USP16: variants seen among roughly 807,000 people sequenced by gnomAD.
USP16 encodes ubiquitin specific peptidase 16, also known as ubiquitin carboxyl-terminal hydrolase 16.
USP16 carries 77 observed loss-of-function variants against 95.9 expected under a neutral mutation model. That is an observed-to-expected ratio of 0.80 (90% confidence interval 0.67 to 0.97). The LOEUF is 0.97. Ranked by LOEUF, USP16 falls within the 50% of genes least tolerant of loss-of-function variation. The probability of loss-of-function intolerance (pLI) is 0.00; values close to 1 mark genes in which losing one functional copy is unlikely to be tolerated. For synonymous variants in USP16, 303 were observed against 318.2 expected (o/e 0.95, Z 0.51); for missense variants, 943 against 959.9 (o/e 0.98, Z 0.23).
chr21:29,037,148 A>G (rs1351425883), intron 5 of USP16, 128 bp from the exon 6 acceptor site: 4 of 525,640 alleles, frequency 7.6e-6, no homozygotes, highest in Non-Finnish European at 8.9e-6. Context: ...TTTAAAATCA[A>G]ATGGGTGGGT....
intron 16 of USP16, chr21:29,053,340 G>A (rs745413044): frequency 1.2e-4 from 19 of 155,758 alleles, no homozygotes; most frequent in Non-Finnish European, 2.6e-4. Context: ...GTGAACACTT[G>A]AGAGGTTGAA....
chr21:29,049,487 A>C (rs1376049794), intron 15 of USP16, among the ~76,000 whole-genome samples: 2 of 152,220 alleles, frequency 1.3e-5, no homozygotes, highest in East Asian at 1.9e-4. Context: ...AGTTTTAAGC[A>C]CTCAGAACCT....
At chr21:29,041,987 A>C in intron 10 of USP16, 26 bp from the exon 11 acceptor site, 1 of 1,589,910 alleles carries the variant, frequency 6.3e-7, no homozygotes, top group Non-Finnish European at 8.6e-7. Flanking sequence ...GTAATTGGTA[A>C]TTGATAGACT....
At chr21:29,025,732 T>TA in intron 1 of USP16, 1 of 984,818 alleles carries the variant, frequency 1.0e-6, no homozygotes, top group Non-Finnish European at 1.2e-6. Flanking sequence ...CATTCTTATG[T>TA]ACCTACCTTT....
At chr21:29,046,453 C>T (rs1236057825) in intron 13 of USP16, among the ~76,000 whole-genome samples, 8 of 152,068 alleles carry the variant, frequency 5.3e-5, no homozygotes, top group African/African-American at 2.4e-5. Flanking sequence ...CAGCCAATTT[C>T]GTCATAATTT....
chr21:29,029,642 G>A (rs2085049403), intron 2 of USP16, among the ~76,000 whole-genome samples: 1 of 152,080 alleles, frequency 6.6e-6, no homozygotes, highest in Non-Finnish European at 1.5e-5. Context: ...TACTTATCTT[G>A]GCCCCAACAG....
chr21:29,053,834 T>A lies in USP16; in HGVS notation c.2226T>A (p.Tyr742Ter). ...NVAEENTRVLYSLYGVVEHSG... is the reference protein window; with the variant it reads ...NVAEENTRVL Reference sequence around the variant, plus strand: ...CAGAAGAAAATACAAGGGTACTCTATTCCTTATATGGAGTTGTTGAACACA... The same window carrying A: ...CAGAAGAAAATACAAGGGTACTCTAATCCTTATATGGAGTTGTTGAACACA... Residue 742 changes from tyrosine to a stop codon, truncating the protein, a stop_gained, in exon 17 of 18, where the codon TAT (tyrosine) becomes TAA (stop). Transcript: ENST00000399976. LOFTEE classifies it high-confidence loss of function. 2 of 1,613,840 alleles carry A rather than the reference T, an allele frequency of 1.2e-6. No individual in the cohort carries two copies. The highest frequency in any genetic ancestry group is 1.7e-6 in the Non-Finnish European group (2 of 1,179,924).
intron 3 of USP16, among the ~76,000 whole-genome samples, chr21:29,031,285 A>G (rs1329727714): frequency 6.6e-6 from 1 of 152,184 alleles, no homozygotes; most frequent in South Asian, 2.1e-4. Context: ...ACATCACAGT[A>G]TCTACTCTAC....
At chr21:29,041,968 T>C in intron 10 of USP16, 45 bp from the exon 11 acceptor site, 1 of 1,501,888 alleles carries the variant, frequency 6.7e-7, no homozygotes, top group Non-Finnish European at 9.2e-7. Flanking sequence ...TTTAATTAAT[T>C]ATATAACGGT....
Position 29,037,264 on chromosome 21 carries a change from CT to C in USP16, c.449-5del, listed in dbSNP as rs1411707480. The C allele has an allele frequency of 4.0e-6, 6 of 1,487,896 alleles. No individual in the cohort carries two copies. The highest frequency in any genetic ancestry group is 5.5e-6 in the Non-Finnish European group (6 of 1,096,270). The allele number at this position is 1,487,896 out of a possible 1,614,324, so 92.2% of individuals were successfully genotyped here. A position where few individuals can be genotyped will look rare whatever the true frequency, so the allele number is the denominator to read the frequency against. ...TATTACACATTTTGCTAAATCTTTT[CT>C]TTTTTTAAAGCAGAGAAAGATAATG... On this transcript the variant is annotated splice_polypyrimidine_tract_variant and intron_variant, in intron 5 of 17. Coordinates refer to ENST00000399976, the MANE Select transcript of USP16 (RefSeq NM_006447.3).
chr21:29,043,307 GAAA>G, intron 12 of USP16, 113 bp from the exon 13 acceptor site: 1 of 711,526 alleles, frequency 1.4e-6, no homozygotes, highest in East Asian at 3.5e-5. Flanking sequence ...AAATATTGTG[GAAA>G]AAAAAAGCTA....
intron 1 of USP16, chr21:29,025,705 C>T: frequency 1.0e-6 from 1 of 982,448 alleles, no homozygotes; most frequent in Non-Finnish European, 1.2e-6. Flanking sequence ...TTCTTTTTCA[C>T]CAGAACTTGT....
At chr21:29,028,681 T>A (rs2085030593) in intron 2 of USP16, among the ~76,000 whole-genome samples, 1 of 152,150 alleles carries the variant, frequency 6.6e-6, no homozygotes, top group Non-Finnish European at 1.5e-5. Flanking sequence ...AGTGATCCGC[T>A]TCCTCAGCAT....
At chr21:29,024,937 G>A (rs532099046) in intron 1 of USP16, 160 bp downstream of exon 1, 7 of 728,540 alleles carry the variant, frequency 9.6e-6, no homozygotes, top group East Asian at 7.6e-5. Context: ...TTGGCTGCAT[G>A]TTCTGTCAGT....
chr21:29,048,610 C>T, intron 14 of USP16, 151 bp from the exon 15 acceptor site: 1 of 578,588 alleles, frequency 1.7e-6, no homozygotes, highest in African/African-American at 1.9e-5. Flanking sequence ...CCTCTTACTC[C>T]ACAAATTCTA....
intron 2 of USP16, among the ~76,000 whole-genome samples, chr21:29,028,453 T>C (rs1436392197): frequency 6.6e-6 from 1 of 150,962 alleles, no homozygotes; most frequent in African/African-American, 2.4e-5. Flanking sequence ...TTTTTTTTCC[T>C]GAGACGGAGT....
At chr21:29,029,361 C>G (rs578153582) in intron 2 of USP16, among the ~76,000 whole-genome samples, 11 of 151,970 alleles carry the variant, frequency 7.2e-5, no homozygotes, top group Non-Finnish European at 1.5e-4. Context: ...TGCAGTGAGC[C>G]GAGATTGTGC....
chr21:29,053,988 A>T (rs2085456373), intron 17 of USP16, 30 bp downstream of exon 17: 1 of 1,613,260 alleles, frequency 6.2e-7, no homozygotes. Flanking sequence ...TCAGGCACTC[A>T]GCAGATTACG....
At position 29,031,959 on chromosome 21, in the gene USP16, T is replaced by C. The variant is rs544544768; in HGVS notation, c.240+1186T>C. Among the ~76,000 whole-genome samples the C allele has an allele frequency of 9.5e-4, 144 of 152,320 alleles. 4 individuals are homozygous for C. The highest frequency in any genetic ancestry group is 3.1e-4 in the Non-Finnish European group (21 of 68,022). The stretch of plus-strand genomic sequence containing the variant: ...GATCTCCTGAGTTTGACTTCTTTTT[T>C]TGTGCATGTGTGTATGTGTACATGT... On this transcript the variant is annotated intron_variant, in intron 3 of 17. Transcript: ENST00000399976.
Sources: allele counts gnomAD v4.1 joint callset (sites outside exome capture counted in the v4.1 genomes callset), GRCh38; gene constraint gnomAD v4.1.1; transcripts MANE v1.5; gene names NCBI Gene and HGNC (gene_info 2026-07-23, HGNC 2026-07-21).